Variants in CNTNAP3 observed in about 807,000 individuals in gnomAD.
CNTNAP3 encodes the protein contactin-associated protein-like 3.
A neutral mutation model predicts 92.1 loss-of-function variants in CNTNAP3; 36 were observed. That is an observed-to-expected ratio of 0.39 (90% CI 0.30 to 0.52). The LOEUF is 0.52. Ranked by LOEUF, CNTNAP3 falls within the 20% of genes least tolerant of loss-of-function variation. CNTNAP3 has a pLI of 0.76. For synonymous variants in CNTNAP3, 232 were observed against 422.3 expected (o/e 0.55, Z 5.53); for missense variants, 534 against 1,069.6 (o/e 0.50, Z 6.98).
intron 18 of CNTNAP3, among the ~76,000 whole-genome samples, chr9:39,098,491 A>G (rs1286573015): frequency 6.6e-6 from 1 of 152,142 alleles, no homozygotes; most frequent in Non-Finnish European, 1.5e-5. Context: ...TTTTCCATTT[A>G]CTTACTATAT....
At chr9:39,091,172 T>TTC (rs1491546473) in intron 18 of CNTNAP3, among the ~76,000 whole-genome samples, 5 of 82,786 alleles carry the variant, frequency 6.0e-5, no homozygotes, top group African/African-American at 2.4e-4. Context: ...TTTCTTCTTC[T>TTC]TTTTTTTTTT....
At chr9:39,111,251 C>A (rs1452846189) in intron 14 of CNTNAP3, among the ~76,000 whole-genome samples, 1 of 152,054 alleles carries the variant, frequency 6.6e-6, no homozygotes, top group Non-Finnish European at 1.5e-5. Context: ...TTCTCTAGTT[C>A]TATCAAATAC....
rs1454956598 is a variant in CNTNAP3 at position 39,067,629 on chromosome 9, CT to C, written c.*6260del. Among the ~76,000 whole-genome samples the C allele has an allele frequency of 6.6e-6, 1 of 152,290 alleles. No homozygotes were observed. The highest frequency in any genetic ancestry group is 1.5e-5 in the Non-Finnish European group (1 of 68,058). ...AGCAGGATGGTCTCCATCTCCCGACCTCGTGATCTGCCTGCCTCGACCTCCC... is the reference window on the plus strand; with the variant it reads ...AGCAGGATGGTCTCCATCTCCCGACCCGTGATCTGCCTGCCTCGACCTCCC... On this transcript the variant is annotated 3_prime_UTR_variant, in exon 24 of 24. Coordinates refer to ENST00000297668, the MANE Select transcript of CNTNAP3 (RefSeq NM_033655.5).
Position 39,207,561 on chromosome 9 carries a change from A to ACC in CNTNAP3, c.391-14288_391-14287dup, listed in dbSNP as rs550543194. 9.2e-3 allele frequency among the ~76,000 whole-genome samples: 193 copies of ACC among 20,978 alleles called. 73 individuals are homozygous for ACC. The highest frequency in any genetic ancestry group is 0.019 in the African/African-American group (189 of 10,184). 13.8% of individuals were successfully genotyped at this position (20,978 alleles called of 152,430 possible). ...AGCAATCTTACTTTCGGGTATATAC[A>ACC]CCCCCCCAATATAAAATGAAGATGT... On this transcript the variant is annotated intron_variant, in intron 3 of 23. Transcript: ENST00000297668.
At chr9:39,149,528 T>C (rs942582841) in intron 10 of CNTNAP3, among the ~76,000 whole-genome samples, 391 of 151,242 alleles carry the variant, frequency 2.6e-3, no homozygotes, top group African/African-American at 9.0e-3. Flanking sequence ...TTTTTTTTTT[T>C]TGTATTTTTA....
In CNTNAP3 at chr9:39,093,545, C is replaced by G. The variant is rs555497979; in HGVS notation, c.2996-4898G>C. On this transcript the variant is annotated intron_variant, in intron 18 of 23. Transcript: ENST00000297668. The stretch of plus-strand genomic sequence containing the variant: ...ACTCTCCATTGCCCCCTCATCTCAG[C>G]TGCTGGTATCCTTGAATCTACTTTG... Among the ~76,000 whole-genome samples the G allele has an allele frequency of 6.3e-3, 957 of 151,330 alleles. 9 individuals carry two copies. The highest frequency in any genetic ancestry group is 0.022 in the African/African-American group (899 of 41,410).
intron 19 of CNTNAP3, among the ~76,000 whole-genome samples, chr9:39,088,167 CAAT>C (rs1461607171): frequency 6.6e-6 from 1 of 151,740 alleles, no homozygotes; most frequent in Non-Finnish European, 1.5e-5. Flanking sequence ...GTCATCCTAT[CAAT>C]AATAAGAAAT....
chr9:39,147,402 T>G (rs556387369), intron 10 of CNTNAP3, among the ~76,000 whole-genome samples: 3 of 152,330 alleles, frequency 2.0e-5, no homozygotes, highest in African/African-American at 7.2e-5. Context: ...GTATTTAATT[T>G]TAACTCTGTA....
In CNTNAP3 at chr9:39,133,054, G is replaced by C. The variant is rs760030789; in HGVS notation, c.1958C>G (p.Ser653Trp). Residue 653 changes from serine to tryptophan, a missense_variant, in exon 13 of 24, where the codon TCG (serine) becomes TGG (tryptophan). Coordinates refer to ENST00000297668, the MANE Select transcript of CNTNAP3 (RefSeq NM_033655.5). ...LRGAPSGHPR[S>W]AVSFAYAAGA... is the part of the protein sequence containing the mutation. ...CGCTGCGTACGCGAAGGACACAGCC[G>C]AGCGCGGGTGCCCGCTGGGGGCACC... 9 of 1,555,072 alleles carry C rather than the reference G, an allele frequency of 5.8e-6. No homozygotes were observed. Among genetic ancestry groups the C allele is most frequent in the East Asian group, 2.3e-5 (1 of 43,092 alleles).
At position 39,103,830 on chromosome 9, in the gene CNTNAP3, A is replaced by G. The variant is rs1826528381; in HGVS notation, c.2450T>C (p.Val817Ala). ...AACTGTGGTCTTAAAAAAGAAGCAC[A>G]CGTCAGCAGTGAGTTCTCCGTGGAA... ...PAFHGELTAD[V>A]CFFFKTTVSS... is the part of the protein sequence containing the mutation. Residue 817 changes from valine (V) to alanine (A), a missense_variant, in exon 16 of 24, where the codon GTG becomes GCG. Coordinates refer to ENST00000297668, the MANE Select transcript of CNTNAP3 (RefSeq NM_033655.5). 1.2e-6 allele frequency: 2 copies of G among 1,611,054 alleles called. No individual in the cohort carries two copies. The highest frequency in any genetic ancestry group is 1.7e-6 in the Non-Finnish European group (2 of 1,179,640).
intron 10 of CNTNAP3, among the ~76,000 whole-genome samples, chr9:39,148,767 C>T (rs1355389771): frequency 1.3e-5 from 2 of 152,154 alleles, no homozygotes; most frequent in African/African-American, 2.4e-5. Context: ...CCTCATGATC[C>T]GCTCTCCTCG....
chr9:39,103,148 G>A (rs1390389415), intron 16 of CNTNAP3, among the ~76,000 whole-genome samples: 1 of 152,266 alleles, frequency 6.6e-6, no homozygotes, highest in Non-Finnish European at 1.5e-5. Context: ...AATATGTCTG[G>A]TCAAATATTT....
chr9:39,138,038 T>TGTC (rs1348004663), intron 12 of CNTNAP3, among the ~76,000 whole-genome samples: 8 of 149,068 alleles, frequency 5.4e-5, no homozygotes, highest in Admixed American at 1.3e-4. Flanking sequence ...TTGTTGTTGT[T>TGTC]GTCACAATGC....
intron 15 of CNTNAP3, among the ~76,000 whole-genome samples, chr9:39,107,439 G>A (rs1826635494): frequency 6.6e-6 from 1 of 151,746 alleles, no homozygotes; most frequent in Admixed American, 6.6e-5. Context: ...ATGGAGGAAG[G>A]AAATTAAGAG....
rs1180386874 is a variant in CNTNAP3 at position 39,217,395 on chromosome 9, T to TAG, written c.390+21597_390+21598insCT. Among the ~76,000 whole-genome samples the TAG allele has an allele frequency of 3.3e-4, 8 of 23,936 alleles. 2 individuals are homozygous for TAG. The highest frequency in any genetic ancestry group is 4.0e-4 in the Non-Finnish European group (2 of 5,034). The allele number at this position is 23,936 out of a possible 152,430, so 15.7% of individuals were successfully genotyped here. On this transcript the variant is annotated intron_variant, in intron 3 of 23. Coordinates refer to ENST00000297668, the MANE Select transcript of CNTNAP3 (RefSeq NM_033655.5). The stretch of plus-strand genomic sequence containing the variant: ...ATATATATATATATATATATATATA[T>TAG]ATATATTCATTGTGGGAATTTCAAA...
At chr9:39,144,145 G>A in intron 11 of CNTNAP3, 95 bp downstream of exon 11, 2 of 1,398,758 alleles carry the variant, frequency 1.4e-6, no homozygotes, top group Non-Finnish European at 1.9e-6. Context: ...TGATGTGTTT[G>A]CATGATTGCA....
In CNTNAP3 at chr9:39,089,981, C is replaced by T. The variant is rs141037576; in HGVS notation, c.2996-1334G>A. Among the ~76,000 whole-genome samples the T allele has an allele frequency of 5.6e-3, 847 of 152,072 alleles. 2 individuals carry two copies. Among genetic ancestry groups the T allele is most frequent in the African/African-American group, 0.019 (776 of 41,468 alleles). ...TTGAGACAGAGTCTCGCTCTGCTGC[C>T]CAGGCTGGAGTGCAGTGGCGTGATC... On this transcript the variant is annotated intron_variant, in intron 18 of 23. Transcript: ENST00000297668.
chr9:39,146,285 G>A (rs898123952), intron 10 of CNTNAP3, among the ~76,000 whole-genome samples: 18 of 152,184 alleles, frequency 1.2e-4, no homozygotes, highest in South Asian at 8.3e-4. Context: ...CCTGCTCAGG[G>A]AGCCCCAGTT....
At chr9:39,086,609 C>A in intron 20 of CNTNAP3, 107 bp downstream of exon 20, 1 of 1,344,822 alleles carries the variant, frequency 7.4e-7, no homozygotes, top group Non-Finnish European at 1.0e-6. Context: ...GGAAGAGCAG[C>A]ACTGAATGGG....
Sources: allele counts gnomAD v4.1 joint callset (sites outside exome capture counted in the v4.1 genomes callset), GRCh38; gene constraint gnomAD v4.1.1; transcripts MANE v1.5; gene names NCBI Gene and HGNC (gene_info 2026-07-23, HGNC 2026-07-21).